Variants in GNAS-AS1 observed in about 807,000 individuals in gnomAD.
GNAS-AS1 encodes GNAS antisense RNA 1.
At chr20:58,828,659 C>T (rs549603280) in intron 4 of GNAS-AS1, among the ~76,000 whole-genome samples, 1 of 152,346 alleles carries the variant, frequency 6.6e-6, no homozygotes, top group East Asian at 1.9e-4. Context: ...CTCTTGTCTC[C>T]CACTTAGCAC....
chr20:58,823,113 A>C (rs2085496744), intron 4 of GNAS-AS1, among the ~76,000 whole-genome samples: 1 of 152,146 alleles, frequency 6.6e-6, no homozygotes, highest in African/African-American at 2.4e-5. Flanking sequence ...ATATCTAGCC[A>C]CGGCAATGCA....
intron 4 of GNAS-AS1, among the ~76,000 whole-genome samples, chr20:58,819,974 G>A (rs542108145): frequency 6.6e-6 from 1 of 152,342 alleles, no homozygotes; most frequent in African/African-American, 2.4e-5. Flanking sequence ...TCCCAGAAAA[G>A]GGGTGCTGAA....
At chr20:58,839,711 A>G (rs1271236903) in intron 4 of GNAS-AS1, 2 of 471,334 alleles carry the variant, frequency 4.2e-6, no homozygotes, top group Admixed American at 3.8e-5. Flanking sequence ...CGGGCGCGCA[A>G]CTTCGCAGAA....
chr20:58,828,810 T>C (rs1409631204), intron 4 of GNAS-AS1, among the ~76,000 whole-genome samples: 4 of 152,122 alleles, frequency 2.6e-5, no homozygotes, highest in Non-Finnish European at 5.9e-5. Flanking sequence ...AAGGCAGAAC[T>C]CTTAGCCCCA....
At chr20:58,823,493 G>C (rs377118689) in intron 4 of GNAS-AS1, among the ~76,000 whole-genome samples, 1 of 152,232 alleles carries the variant, frequency 6.6e-6, no homozygotes, top group African/African-American at 2.4e-5. Context: ...CACGTGCCTG[G>C]AGCATGCGGT....
Position 58,840,339 on chromosome 20 carries a change from A to C in GNAS-AS1, n.819+1598T>G, listed in dbSNP as rs772553938. 6.2e-7 allele frequency: 1 copy of C among 1,613,126 alleles called. No individual in the cohort carries two copies. Among genetic ancestry groups the C allele is most frequent in the Non-Finnish European group, 8.5e-7 (1 of 1,179,996 alleles). Reference sequence around the variant, plus strand: ...CGCTCCGGCGCCCAGGTATTCCCTGAGTCCCCCGAATCGGAATCTGACCAC... The same window carrying C: ...CGCTCCGGCGCCCAGGTATTCCCTGCGTCCCCCGAATCGGAATCTGACCAC... On this transcript the variant is annotated intron_variant and non_coding_transcript_variant, in intron 4 of 4. Coordinates refer to ENST00000424094, the Ensembl canonical transcript of GNAS-AS1. This position sits in a 1 kb window ranked among gnomAD's most constrained non-coding sequence, Gnocchi z 6.0.
chr20:58,826,039 T>A (rs2085518070), intron 4 of GNAS-AS1: 5 of 398,506 alleles, frequency 1.3e-5, no homozygotes. Flanking sequence ...AGACGATGAC[T>A]TCAGCGAGAA....
At chr20:58,830,515 AC>A (rs2085557416) in intron 4 of GNAS-AS1, among the ~76,000 whole-genome samples, 1 of 51,256 alleles carries the variant, frequency 2.0e-5, no homozygotes, top group Non-Finnish European at 3.7e-5. Flanking sequence ...CACCATCATC[AC>A]CACCACACCA....
At chr20:58,847,554 T>C (rs1198010034) in intron 2 of GNAS-AS1, among the ~76,000 whole-genome samples, 1 of 152,254 alleles carries the variant, frequency 6.6e-6, no homozygotes, top group African/African-American at 2.4e-5. Context: ...TAAATTCTTT[T>C]CTACCTTCTC....
chr20:58,839,566 G>A (rs1317826817), intron 4 of GNAS-AS1: 4 of 404,458 alleles, frequency 9.9e-6, no homozygotes, highest in South Asian at 2.4e-4. Flanking sequence ...CCATCGCTTC[G>A]CCCAAATCCT....
rs201307445 is a variant in GNAS-AS1, at chr20:58,840,440, G to T, written n.819+1497C>A. 18 of 1,613,322 alleles carry T rather than the reference G, an allele frequency of 1.1e-5. No homozygotes were observed. Among genetic ancestry groups the T allele is most frequent in the Non-Finnish European group, 1.5e-5 (18 of 1,179,832 alleles). On this transcript the variant is annotated intron_variant and non_coding_transcript_variant, in intron 4 of 4. Coordinates refer to ENST00000424094, the Ensembl canonical transcript of GNAS-AS1. This position sits in a 1 kb window ranked among gnomAD's most constrained non-coding sequence, Gnocchi z 6.0. ...CGAGGAAGAGTTCGACTACGAGACC[G>T]AGAGCGAGACCGAGTCCGAAATCGA...
At chr20:58,842,696 G>C in intron 2 of GNAS-AS1, 1 of 395,630 alleles carries the variant, frequency 2.5e-6, no homozygotes. Context: ...AAACAATGAT[G>C]GTGTGTTGGC....
chr20:58,826,057 T>C (rs1410020961), intron 4 of GNAS-AS1: 1 of 398,552 alleles, frequency 2.5e-6, no homozygotes, highest in Admixed American at 4.4e-5. Flanking sequence ...GAAAGACAGA[T>C]GAGCAAATGT....
intron 4 of GNAS-AS1, among the ~76,000 whole-genome samples, chr20:58,830,503 A>C (rs1391173464): frequency 3.2e-5 from 2 of 61,862 alleles, no homozygotes; most frequent in Non-Finnish European, 6.0e-5. Flanking sequence ...TCACCACCAC[A>C]CCACCATCAT....
chr20:58,837,166 T>G (rs139308653), intron 4 of GNAS-AS1, among the ~76,000 whole-genome samples: 1 of 152,322 alleles, frequency 6.6e-6, no homozygotes, highest in East Asian at 1.9e-4. Flanking sequence ...CATATATTCC[T>G]GATTTTTCCC....
At chr20:58,849,452 C>A (rs748230687) in intron 1 of GNAS-AS1, among the ~76,000 whole-genome samples, 6 of 152,222 alleles carry the variant, frequency 3.9e-5, no homozygotes, top group Non-Finnish European at 8.8e-5. Flanking sequence ...TCCATAAATT[C>A]ATCTTTGTAA....
intron 4 of GNAS-AS1, chr20:58,839,112 TCAGGG>T (rs1356427394): frequency 1.0e-5 from 4 of 398,334 alleles, no homozygotes; most frequent in Non-Finnish European, 1.8e-5. Flanking sequence ...TCAATCGAGC[TCAGGG>T]CAGTCCTCAG....
Position 58,847,244 on chromosome 20 carries a change from ACCTCTAATATCAGCCTTGCATCTG to A in GNAS-AS1, n.413+1611_413+1634del, listed in dbSNP as rs1220250164. 4.6e-4 allele frequency among the ~76,000 whole-genome samples: 17 copies of A among 36,622 alleles called. No homozygotes were observed. The Admixed American group carries it at 5.8e-3, about 12-fold the overall frequency. 24.0% of individuals were successfully genotyped at this position (36,622 alleles called of 152,430 possible). A position where few individuals can be genotyped will look rare whatever the true frequency, so the allele number is the denominator to read the frequency against. ...TATTTTCATAAAGACTTTTTCCACTACCTCTAATATCAGCCTTGCATCTGCCTCTAACCTGGTATCTTGCCTCAT... is the reference window on the plus strand; with the variant it reads ...TATTTTCATAAAGACTTTTTCCACTACCTCTAACCTGGTATCTTGCCTCAT... On this transcript the variant is annotated intron_variant and non_coding_transcript_variant, in intron 2 of 4. Transcript: ENST00000424094.
In GNAS-AS1 at chr20:58,840,612, G is replaced by A. The variant is rs768082058; in HGVS notation, n.819+1325C>T. 4.6e-5 allele frequency: 74 copies of A among 1,608,832 alleles called. No homozygotes were observed. The highest frequency in any genetic ancestry group is 1.0e-4 in the Admixed American group (6 of 59,922). ...CAGCGTCTGCACGCTCTCAAGTTGC[G>A]AAGCCCCGACGCCTCCCCAAGTCGC... On this transcript the variant is annotated intron_variant and non_coding_transcript_variant, in intron 4 of 4. Coordinates refer to ENST00000424094, the Ensembl canonical transcript of GNAS-AS1. This position sits in a 1 kb window ranked among gnomAD's most constrained non-coding sequence, Gnocchi z 6.0.
Sources: gnomAD v4.1 joint callset for allele counts (sites outside exome capture counted in the v4.1 genomes callset) on GRCh38, gnomAD v4.1.1 for gene constraint, Gnocchi (gnomAD v3.1) non-coding constraint, MANE v1.5 for transcripts, NCBI Gene and HGNC (gene_info 2026-07-23, HGNC 2026-07-21) for gene names.